The following PTP4A1 variants were observed in gnomAD, a reference collection of about 807,000 sequenced individuals.
PTP4A1 encodes protein tyrosine phosphatase 4A1.
In PTP4A1, 9 loss-of-function variants were observed where a neutral mutation model predicts 20.5. The observed-to-expected ratio is 0.44, with a 90% CI of 0.26 to 0.77. The LOEUF (loss-of-function observed/expected upper bound fraction) is 0.77. Among genes scored for constraint, PTP4A1 ranks in the 30% least tolerant of loss-of-function variants. The pLI is 0.19. For synonymous variants in PTP4A1, 78 were observed against 67.4 expected (o/e 1.16, Z -0.77); for missense variants, 137 against 218.8 (o/e 0.63, Z 2.36).
chr6:63,533,875 A>T (rs2149479268), intron 2 of PTP4A1, among the ~76,000 whole-genome samples: 1 of 151,896 alleles, frequency 6.6e-6, no homozygotes, highest in East Asian at 1.9e-4. Flanking sequence ...GTAGGGTCTC[A>T]CTCTGTCGTC....
In PTP4A1 at chr6:63,524,853, G is replaced by A. The variant is rs551398359; in HGVS notation, c.-905-2966G>A. On this transcript the variant is annotated intron_variant, in intron 1 of 3. Transcript: ENST00000639568. ...AATTATAAACATTATATGTGAATGC[G>A]AGATGTGGCATACCACAATGGACAA... Among the ~76,000 whole-genome samples the A allele has an allele frequency of 8.9e-4, 136 of 152,216 alleles. 1 individual carries two copies. Among genetic ancestry groups the A allele is most frequent in the Admixed American group, 1.4e-3 (22 of 15,284 alleles).
At chr6:63,579,415 T>G in intron 5 of PTP4A1, 84 bp downstream of exon 5, 1 of 922,370 alleles carries the variant, frequency 1.1e-6, no homozygotes, top group East Asian at 2.9e-5. Flanking sequence ...AATAGCCCAT[T>G]TAATCATTAT....
chr6:63,548,781 C>T (rs1411842735), intron 2 of PTP4A1: 64 of 722,796 alleles, frequency 8.9e-5, no homozygotes, highest in Non-Finnish European at 1.4e-4. Flanking sequence ...AGACTTGGGA[C>T]CCAGGACATT....
At chr6:63,547,496 GAAT>G (rs1776245588) in intron 2 of PTP4A1, among the ~76,000 whole-genome samples, 1 of 147,606 alleles carries the variant, frequency 6.8e-6, no homozygotes, top group African/African-American at 2.5e-5. Flanking sequence ...GGCCAGGGGG[GAAT>G]TTTTTTTTTT....
chr6:63,548,976 C>T (rs1042429106), intron 2 of PTP4A1: 11 of 742,852 alleles, frequency 1.5e-5, no homozygotes, highest in African/African-American at 3.4e-5. Flanking sequence ...GTAAGGGACC[C>T]GCATTTTATG....
chr6:63,545,553 G>A (rs1352979775), intron 2 of PTP4A1, among the ~76,000 whole-genome samples: 18 of 152,118 alleles, frequency 1.2e-4, no homozygotes, highest in Admixed American at 1.0e-3. Flanking sequence ...AGAGGTTGCA[G>A]TGAGCCGAGA....
At chr6:63,542,022 G>GGTGTGTGTGTGTGTGTGT (rs72091849) in intron 2 of PTP4A1, among the ~76,000 whole-genome samples, 15 of 146,728 alleles carry the variant, frequency 1.0e-4, no homozygotes, top group African/African-American at 3.6e-4. Flanking sequence ...AAGAAACTGT[G>GGTGTGTGTGTGTGTGTGT]GTGTGTGTGT....
At position 63,547,025 on chromosome 6, in the gene PTP4A1, T is replaced by C. The variant is rs184809036; in HGVS notation, c.-639-3275T>C. Among the ~76,000 whole-genome samples, 298 of 152,262 alleles carry C rather than the reference T, an allele frequency of 2.0e-3. 8 individuals carry two copies. The highest frequency in any genetic ancestry group is 6.2e-4 in the Non-Finnish European group (42 of 68,006). ...TTTTTTAAAAAGTTTTGGATTATAG[T>C]AGTGATAGATGGTTTTCACTTATTT... On this transcript the variant is annotated intron_variant, in intron 2 of 3. Coordinates refer to the PTP4A1 transcript ENST00000639568.
upstream of PTP4A1, chr6:63,571,427 G>A (rs908431096): frequency 2.0e-5 from 3 of 152,166 alleles, no homozygotes; most frequent in Non-Finnish European, 4.4e-5. Flanking sequence ...AGGAGAAAGG[G>A]TTTTCAGATT....
chr6:63,547,681 A>AT lies in PTP4A1; in HGVS notation c.-639-2609dup, dbSNP rs1169224671. Among the ~76,000 whole-genome samples, 63 of 131,946 alleles carry AT rather than the reference A, an allele frequency of 4.8e-4. 1 individual carries two copies. The highest frequency in any genetic ancestry group is 2.8e-3 in the Admixed American group (35 of 12,600). The allele number at this position is 131,946 out of a possible 152,430, so 86.6% of individuals were successfully genotyped here. ...CCACCACGCCTGGCTAATTTTTTGT[A>AT]TTTTTTTTTTCAGTAGAGACGGGGT... On this transcript the variant is annotated intron_variant, in intron 2 of 3. Transcript: ENST00000639568.
At chr6:63,531,974 T>G (rs578045898) in intron 2 of PTP4A1, among the ~76,000 whole-genome samples, 1 of 152,136 alleles carries the variant, frequency 6.6e-6, no homozygotes, top group Non-Finnish European at 1.5e-5. Flanking sequence ...TTAATTTTTG[T>G]ATTTTTAGTA....
chr6:63,534,040 C>CA (rs980109365), intron 2 of PTP4A1, among the ~76,000 whole-genome samples: 2 of 151,966 alleles, frequency 1.3e-5, no homozygotes, highest in Admixed American at 1.3e-4. Context: ...GATGGGGTTT[C>CA]ACCATTTTGG....
At chr6:63,528,512 C>T (rs1775287064) in intron 2 of PTP4A1, among the ~76,000 whole-genome samples, 1 of 151,908 alleles carries the variant, frequency 6.6e-6, no homozygotes, top group Non-Finnish European at 1.5e-5. Context: ...ATCGCCTGAG[C>T]CCAGGTGTTC....
chr6:63,541,930 A>T (rs1023332580), intron 2 of PTP4A1, among the ~76,000 whole-genome samples: 21 of 151,996 alleles, frequency 1.4e-4, no homozygotes, highest in African/African-American at 4.8e-4. Flanking sequence ...TTTTTCTGCC[A>T]TTTTAAAATA....
At chr6:63,562,201 CTTT>C (rs60593360) in intron 3 of PTP4A1, among the ~76,000 whole-genome samples, 1 of 137,310 alleles carries the variant, frequency 7.3e-6, no homozygotes, top group Admixed American at 7.3e-5. Flanking sequence ...TTTTCTTTTT[CTTT>C]TTTTTTTTTT....
At chr6:63,522,821 C>T (rs1217718539) in intron 1 of PTP4A1, among the ~76,000 whole-genome samples, 2 of 149,946 alleles carry the variant, frequency 1.3e-5, no homozygotes, top group African/African-American at 4.9e-5. Flanking sequence ...GTGACTCAGA[C>T]TTTGAGGTCG....
intron 5 of PTP4A1, 128 bp from the exon 6 acceptor site, chr6:63,579,929 C>T (rs1425433883): frequency 5.9e-6 from 4 of 680,976 alleles, no homozygotes; most frequent in East Asian, 2.5e-5. Flanking sequence ...TTCCTTTCTG[C>T]ATCAGGTCAC....
Position 63,580,249 on chromosome 6 carries a change from T to A in PTP4A1, c.*75T>A. ...TTTGTTATACATATTAGCCAACATG[T>A]TGGCTTAGTAAGTCTAATGAAGCTT... On this transcript the variant is annotated 3_prime_UTR_variant, in exon 6 of 6. Transcript: ENST00000626021. 1.6e-6 allele frequency: 2 copies of A among 1,219,338 alleles called. No individual in the cohort carries two copies. The highest frequency in any genetic ancestry group is 2.4e-6 in the Non-Finnish European group (2 of 830,674). The allele number at this position is 1,219,338 out of a possible 1,614,324, so 75.5% of individuals were successfully genotyped here. A position where few individuals can be genotyped will look rare whatever the true frequency, so the allele number is the denominator to read the frequency against.
At chr6:63,531,446 G>A (rs964931384) in intron 2 of PTP4A1, among the ~76,000 whole-genome samples, 3 of 149,536 alleles carry the variant, frequency 2.0e-5, no homozygotes, top group African/African-American at 7.4e-5. Flanking sequence ...TGCCTACATA[G>A]ACATCACAAA....
Sources: gnomAD v4.1 joint callset for allele counts (sites outside exome capture counted in the v4.1 genomes callset) on GRCh38, gnomAD v4.1.1 for gene constraint, MANE v1.5 for transcripts, NCBI Gene and HGNC (gene_info 2026-07-23, HGNC 2026-07-21) for gene names.